The following CCDC88C variants were observed in gnomAD, a reference collection of about 807,000 sequenced individuals.
The protein encoded by CCDC88C is protein Daple.
In CCDC88C, 131 loss-of-function variants were observed where a neutral mutation model predicts 198.8. That is an observed-to-expected ratio of 0.66 (90% CI 0.57 to 0.76). The LOEUF (loss-of-function observed/expected upper bound fraction) is 0.76, where lower values mean the gene tolerates loss of function less well. CCDC88C is among the 30% of genes least tolerant of loss of function. CCDC88C has a pLI of 0.00. For missense variants in CCDC88C, 2,553 were observed against 2,631.6 expected, an observed-to-expected ratio of 0.97 and a Z score of 0.65; for synonymous variants, 1,166 against 1,114.7, an observed-to-expected ratio of 1.05 and a Z score of -0.92.
Position 91,297,357 on chromosome 14 carries a change from T to C in CCDC88C, c.3914A>G (p.Glu1305Gly). 1 of 1,613,756 alleles carries C rather than the reference T, an allele frequency of 6.2e-7. No individual in the cohort carries two copies. Among genetic ancestry groups the C allele is most frequent in the Non-Finnish European group, 8.5e-7 (1 of 1,179,806 alleles). ...CGAGATGTCCATGGTCTGGTGCTGC[T>C]CCTTCAGCTCGTCGAAGCGGGCCTG... ...RWQARFDELKEQHQTMDISLT... is the reference protein window; with the variant it reads ...RWQARFDELKGQHQTMDISLT... The change falls in exon 22 of 30, where the codon GAG becomes GGG. Residue 1305 changes from glutamate to glycine, a missense_variant. Glu to Gly is a moderately conservative substitution (Grantham distance 98). Transcript: ENST00000389857.
rs540588031 is a variant in CCDC88C at position 91,334,855 on chromosome 14, C to T, written c.1050+3150G>A. Among the ~76,000 whole-genome samples, 11 of 152,222 alleles carry T rather than the reference C, an allele frequency of 7.2e-5. No individual in the cohort carries two copies. In the South Asian group the frequency reaches 2.3e-3, roughly 32 times the overall value. ...CCAGCAGGGCTCAGATGGTACCTGG[C>T]TCCCATCTCAAAGCAGCTCAGCTCC... On this transcript the variant is annotated intron_variant, in intron 10 of 29. Coordinates refer to ENST00000389857, the MANE Select transcript of CCDC88C (RefSeq NM_001080414.4).
intron 12 of CCDC88C, among the ~76,000 whole-genome samples, chr14:91,324,492 G>C (rs764361001): frequency 6.6e-6 from 1 of 152,276 alleles, no homozygotes; most frequent in African/African-American, 2.4e-5. Flanking sequence ...GCCTCTGGGT[G>C]TCAGTGCACT....
At chr14:91,296,881 C>A (rs569463017) in intron 22 of CCDC88C, among the ~76,000 whole-genome samples, 1 of 152,090 alleles carries the variant, frequency 6.6e-6, no homozygotes, top group Non-Finnish European at 1.5e-5. Context: ...CTAGAAGGGA[C>A]GGCTCTGGAA....
rs147480995 is a variant in CCDC88C at position 91,291,978 on chromosome 14, G to A, written c.4113-894C>T. 1.2e-3 allele frequency among the ~76,000 whole-genome samples: 178 copies of A among 152,304 alleles called. 1 individual carries two copies. The highest frequency in any genetic ancestry group is 4.1e-3 in the African/African-American group (170 of 41,558). The stretch of plus-strand genomic sequence containing the variant: ...CGCGCTGCCCATGGTACTGAGGACT[G>A]CTGCCCACTCATGCCTCAGCGCTGG... On this transcript the variant is annotated intron_variant, in intron 23 of 29. Transcript: ENST00000389857.
intron 27 of CCDC88C, 185 bp downstream of exon 27, chr14:91,281,272 C>T: frequency 1.4e-6 from 2 of 1,465,280 alleles, no homozygotes; most frequent in Non-Finnish European, 9.2e-7. Flanking sequence ...TTCCCCACCA[C>T]TGGAGGTATG....
At position 91,321,225 on chromosome 14, in the gene CCDC88C, G is replaced by A. The variant is rs1343703114; in HGVS notation, c.1422C>T (p.Ser474=). 6.2e-7 allele frequency: 1 copy of A among 1,605,464 alleles called. No individual in the cohort carries two copies. Residue 474 remains serine, a synonymous_variant, in exon 13 of 30, where the codon AGC becomes AGT. Transcript: ENST00000389857. ...GCAGCCCCTGGATGGTGCTCTGGAG[G>A]CTCTGATTCTCCTTCTCCAGCTTCA... ...RILKLEKENQ[S]LQSTIQGLRD... is the part of the protein sequence containing the mutation.
chr14:91,286,449 G>T (rs1890412773), intron 25 of CCDC88C, among the ~76,000 whole-genome samples: 1 of 152,028 alleles, frequency 6.6e-6, no homozygotes, highest in African/African-American at 2.4e-5. Context: ...TTTCCTTTTA[G>T]ATCTTCTATA....
chr14:91,311,655 G>A (rs1335600157), intron 15 of CCDC88C, among the ~76,000 whole-genome samples: 3 of 152,174 alleles, frequency 2.0e-5, no homozygotes, highest in African/African-American at 4.8e-5. Flanking sequence ...TGAGATAAAC[G>A]GTGCTGGGCC....
In CCDC88C at chr14:91,339,268, G is replaced by A. The variant is rs775862434; in HGVS notation, c.809+10C>T. 1.9e-5 allele frequency: 30 copies of A among 1,611,858 alleles called. No individual in the cohort carries two copies. The Admixed American group carries it at 4.0e-4, about 22-fold the overall frequency. On this transcript the variant is annotated intron_variant, in intron 8 of 29. Transcript: ENST00000389857. The surrounding 1 kb of genome is among the most constrained non-coding windows in gnomAD (Gnocchi z 5.8). Reference sequence around the variant, plus strand: ...ACACACAAAGGTAGGAGAAGCAGCCGGGGACTCACAGCTCCTGCCTGACGC... The same window carrying A: ...ACACACAAAGGTAGGAGAAGCAGCCAGGGACTCACAGCTCCTGCCTGACGC...
chr14:91,356,355 C>T (rs1894040169), intron 4 of CCDC88C, among the ~76,000 whole-genome samples: 1 of 152,094 alleles, frequency 6.6e-6, no homozygotes, highest in South Asian at 2.1e-4. Context: ...CCGAGGCCAC[C>T]GTCTAGCATG....
intron 15 of CCDC88C, among the ~76,000 whole-genome samples, chr14:91,312,152 C>G (rs147782846): frequency 3.6e-4 from 54 of 151,372 alleles, no homozygotes; most frequent in Non-Finnish European, 6.6e-4. Context: ...ACTTTGGGAG[C>G]CTGAGGCAGA....
At chr14:91,416,034 T>C (rs570908548) in intron 2 of CCDC88C, among the ~76,000 whole-genome samples, 2 of 152,252 alleles carry the variant, frequency 1.3e-5, no homozygotes, top group African/African-American at 4.8e-5. Context: ...AAAAACAGAA[T>C]GCAAAGGTAG....
At chr14:91,384,097 CA>C (rs1308835493) in intron 3 of CCDC88C, among the ~76,000 whole-genome samples, 1 of 152,070 alleles carries the variant, frequency 6.6e-6, no homozygotes, top group Non-Finnish European at 1.5e-5. Context: ...GACCGAGGTG[CA>C]AAAGCCAATG....
Position 91,278,099 on chromosome 14 carries a change from G to A in CCDC88C, c.4881C>T (p.Ala1627=). The A allele has an allele frequency of 6.2e-7, 1 of 1,612,926 alleles. No homozygotes were observed. The highest frequency in any genetic ancestry group is 8.5e-7 in the Non-Finnish European group (1 of 1,179,572). Residue 1627 remains alanine, a synonymous_variant, in exon 29 of 30, where the codon GCC becomes GCT. Coordinates refer to ENST00000389857, the MANE Select transcript of CCDC88C (RefSeq NM_001080414.4). Reference sequence around the variant, plus strand: ...GCAAGGGGTACTCGTGGCGGCCGAGGGCGTTGCGTCCCGGTGTGCTGGCTT... The same window carrying A: ...GCAAGGGGTACTCGTGGCGGCCGAGAGCGTTGCGTCCCGGTGTGCTGGCTT... ...PREASTPGRN[A]LGRHEYPLPR... is the part of the protein sequence containing the mutation.
At chr14:91,406,048 T>C (rs1886466890) in intron 3 of CCDC88C, among the ~76,000 whole-genome samples, 1 of 152,048 alleles carries the variant, frequency 6.6e-6, no homozygotes, top group African/African-American at 2.4e-5. Context: ...CATCTGGAAG[T>C]CCTTCTGGAC....
intron 6 of CCDC88C, chr14:91,342,118 A>C: frequency 5.3e-6 from 2 of 379,802 alleles, no homozygotes; most frequent in Non-Finnish European, 9.6e-6. Flanking sequence ...ATAAGGCAAA[A>C]AGAAGGAGAC....
intron 12 of CCDC88C, among the ~76,000 whole-genome samples, chr14:91,323,851 A>G (rs1021629100): frequency 3.3e-5 from 5 of 152,274 alleles, no homozygotes; most frequent in African/African-American, 9.6e-5. Context: ...CTACGCACAG[A>G]TATCAAAGCA....
chr14:91,357,527 C>G (rs930623521), intron 4 of CCDC88C, among the ~76,000 whole-genome samples: 2 of 152,224 alleles, frequency 1.3e-5, no homozygotes, highest in African/African-American at 4.8e-5. Flanking sequence ...TAAGGAGTGG[C>G]TGTCCCCTCC....
rs1381114153 is a variant in CCDC88C, at chr14:91,338,124, A to G, written c.931T>C (p.Tyr311His). The change falls in exon 10 of 30, where the codon TAT becomes CAT. Residue 311 changes from tyrosine to histidine, a missense_variant. Coordinates refer to ENST00000389857, the MANE Select transcript of CCDC88C (RefSeq NM_001080414.4). The surrounding 1 kb of genome is among the most constrained non-coding windows in gnomAD (Gnocchi z 4.8). ...CGCAGGGAATCCAGCTCGTCTCGAT[A>G]GGCACGAGCAGACCGGGCGTCTGCC... ...LAADARSARAYRDELDSLREK... is the reference protein window; with the variant it reads ...LAADARSARAHRDELDSLREK... The G allele has an allele frequency of 6.2e-7, 1 of 1,613,902 alleles. No individual in the cohort carries two copies. Among genetic ancestry groups the G allele is most frequent in the South Asian group, 1.1e-5 (1 of 91,078 alleles).
Sources: allele counts gnomAD v4.1 joint callset (sites outside exome capture counted in the v4.1 genomes callset), GRCh38; gene constraint gnomAD v4.1.1; non-coding constraint Gnocchi (gnomAD v3.1); transcripts MANE v1.5; gene names NCBI Gene and HGNC (gene_info 2026-07-23, HGNC 2026-07-21).